The following LRRC4C variants were observed in gnomAD, a reference collection of about 807,000 sequenced individuals.
LRRC4C encodes the protein leucine rich repeat containing 4C, also known as leucine-rich repeat-containing protein 4C.
A neutral mutation model predicts 33.6 loss-of-function variants in LRRC4C; 5 were observed. The observed-to-expected ratio is 0.15, with a 90% confidence interval of 0.08 to 0.31. The LOEUF is 0.31. Ranked by LOEUF, LRRC4C falls within the 10% of genes least tolerant of loss-of-function variation. LRRC4C has a pLI of 1.00. For missense variants in LRRC4C, 560 were observed against 796.7 expected, an observed-to-expected ratio of 0.70 and a Z score of 3.58; for synonymous variants, 329 against 302.0, an observed-to-expected ratio of 1.09 and a Z score of -0.93.
At chr11:41,413,300 A>G (rs779588710) in intron 1 of LRRC4C, among the ~76,000 whole-genome samples, 64 of 152,116 alleles carry the variant, frequency 4.2e-4, no homozygotes, top group Admixed American at 1.3e-3. Flanking sequence ...CACTGAAACC[A>G]CCATGTGGTT....
intron 1 of LRRC4C, among the ~76,000 whole-genome samples, chr11:41,086,896 T>G (rs1038108704): frequency 3.9e-5 from 6 of 152,096 alleles, no homozygotes; most frequent in Non-Finnish European, 8.8e-5. Context: ...GTCTTTTTTT[T>G]TTTTTCAGAG....
chr11:41,160,644 A>G (rs1944428251), intron 1 of LRRC4C, among the ~76,000 whole-genome samples: 1 of 152,140 alleles, frequency 6.6e-6, no homozygotes, highest in African/African-American at 2.4e-5. Flanking sequence ...TTTAAGTAAC[A>G]TTCTTGAGTA....
chr11:40,575,324 T>A (rs972762587), intron 3 of LRRC4C, among the ~76,000 whole-genome samples: 2 of 152,076 alleles, frequency 1.3e-5, no homozygotes, highest in African/African-American at 4.8e-5. Context: ...TTACCCTTCT[T>A]TGGAGCACAA....
chr11:41,262,173 G>C (rs1043739919), intron 1 of LRRC4C, among the ~76,000 whole-genome samples: 1 of 151,930 alleles, frequency 6.6e-6, no homozygotes, highest in Non-Finnish European at 1.5e-5. Flanking sequence ...TGGTCTTTGA[G>C]CCAAATTTCA....
At chr11:40,464,376 A>C (rs912888233) in intron 3 of LRRC4C, among the ~76,000 whole-genome samples, 3 of 152,036 alleles carry the variant, frequency 2.0e-5, no homozygotes, top group Non-Finnish European at 4.4e-5. Flanking sequence ...ATCATACTGC[A>C]TGAGGAAAAA....
chr11:41,077,347 GC>G (rs948444345), intron 1 of LRRC4C, among the ~76,000 whole-genome samples: 1 of 152,230 alleles, frequency 6.6e-6, no homozygotes, highest in African/African-American at 2.4e-5. Context: ...TGCCCCAGCA[GC>G]AGACTTCTGC....
intron 5 of LRRC4C, among the ~76,000 whole-genome samples, chr11:40,149,366 G>T (rs59559840): frequency 6.6e-6 from 1 of 152,066 alleles, no homozygotes; most frequent in Non-Finnish European, 1.5e-5. Flanking sequence ...TTTCCTTGAG[G>T]AGTGTTTTGT....
Position 40,561,447 on chromosome 11 carries a change from CTGT to C in LRRC4C, c.-270+86692_-270+86694del, listed in dbSNP as rs201953844. On this transcript the variant is annotated intron_variant, in intron 3 of 6. Coordinates refer to ENST00000528697, the MANE Select transcript of LRRC4C (RefSeq NM_001258419.2). ...TTTTTTTTTGAGACAGAGTCTCGCT[CTGT>C]TGCCCAGGCTGGATTGTAGTGGCGC... Among the ~76,000 whole-genome samples, 546 of 120,698 alleles carry C rather than the reference CTGT, an allele frequency of 4.5e-3. 3 individuals are homozygous for C. Among genetic ancestry groups the C allele is most frequent in the Middle Eastern group, 8.9e-3 (1 of 112 alleles). 79.2% of individuals were successfully genotyped at this position (120,698 alleles called of 152,430 possible).
At chr11:41,338,188 A>G (rs1951516986) in intron 1 of LRRC4C, among the ~76,000 whole-genome samples, 1 of 152,244 alleles carries the variant, frequency 6.6e-6, no homozygotes, top group Non-Finnish European at 1.5e-5. Flanking sequence ...AAATCCCATT[A>G]CTGGGTATAT....
chr11:40,619,908 C>A (rs1468262191), intron 3 of LRRC4C, among the ~76,000 whole-genome samples: 2 of 125,508 alleles, frequency 1.6e-5, no homozygotes, highest in Non-Finnish European at 3.8e-5. Context: ...TTAGACAGTG[C>A]ACTTTGTTGG....
At chr11:41,121,122 C>T (rs1476537098) in intron 1 of LRRC4C, among the ~76,000 whole-genome samples, 2 of 152,106 alleles carry the variant, frequency 1.3e-5, no homozygotes, top group East Asian at 3.9e-4. Context: ...GCTTTGCCAT[C>T]CTCTGTTGGT....
intron 2 of LRRC4C, among the ~76,000 whole-genome samples, chr11:40,830,660 G>A (rs78795854): frequency 1.0e-3 from 158 of 152,214 alleles, no homozygotes; most frequent in African/African-American, 3.6e-3. Context: ...AGGGTTGTGA[G>A]TTGTTTTATG....
intron 3 of LRRC4C, among the ~76,000 whole-genome samples, chr11:40,633,373 C>CTT (rs759611504): frequency 7.9e-3 from 280 of 35,538 alleles, no homozygotes; most frequent in Admixed American, 0.014. Flanking sequence ...TTCTTTCTTT[C>CTT]TCTCTCTTTC....
intron 2 of LRRC4C, among the ~76,000 whole-genome samples, chr11:40,717,761 A>C (rs1210747789): frequency 1.3e-5 from 2 of 152,168 alleles, no homozygotes; most frequent in Non-Finnish European, 2.9e-5. Flanking sequence ...CAAACAGCTA[A>C]ATAGCAGGGG....
At chr11:40,723,996 A>C (rs1433457928) in intron 2 of LRRC4C, among the ~76,000 whole-genome samples, 1 of 152,126 alleles carries the variant, frequency 6.6e-6, no homozygotes, top group Non-Finnish European at 1.5e-5. Flanking sequence ...AACCAACAAC[A>C]TTAAAAAAAA....
rs568058972 is a variant in LRRC4C, at chr11:40,827,255, A to T, written c.-407+106380T>A. 2.6e-5 allele frequency among the ~76,000 whole-genome samples: 4 copies of T among 151,942 alleles called. No individual in the cohort carries two copies. In the East Asian group the frequency reaches 7.7e-4, roughly 29 times the overall value. On this transcript the variant is annotated intron_variant, in intron 2 of 6. Coordinates refer to ENST00000528697, the MANE Select transcript of LRRC4C (RefSeq NM_001258419.2). ...GTTGTATAAATGCATCTTATTTTTC[A>T]TGTCAGATTTCAAAACAGTGGGCCA...
intron 5 of LRRC4C, among the ~76,000 whole-genome samples, chr11:40,201,190 A>G (rs1183400915): frequency 5.9e-5 from 9 of 152,214 alleles, no homozygotes. Context: ...TGCCAGGCTC[A>G]GCCTTCAAAT....
chr11:40,427,285 T>TGC, intron 3 of LRRC4C, among the ~76,000 whole-genome samples: 1 of 149,014 alleles, frequency 6.7e-6, no homozygotes, highest in East Asian at 2.0e-4. Context: ...GGGTGGATCA[T>TGC]TTGAGGTCAG....
At chr11:41,291,233 T>C (rs950639765) in intron 1 of LRRC4C, among the ~76,000 whole-genome samples, 3 of 152,080 alleles carry the variant, frequency 2.0e-5, no homozygotes, top group African/African-American at 7.2e-5. Context: ...AGGAGAGAAT[T>C]TAGAATGTGA....
Sources: allele counts gnomAD v4.1 joint callset (sites outside exome capture counted in the v4.1 genomes callset), GRCh38; gene constraint gnomAD v4.1.1; transcripts MANE v1.5; gene names NCBI Gene and HGNC (gene_info 2026-07-23, HGNC 2026-07-21).